Variants in RNF40 observed in about 807,000 individuals in gnomAD.
RNF40 encodes E3 ubiquitin-protein ligase BRE1B.
A neutral mutation model predicts 123.3 loss-of-function variants in RNF40; 39 were observed. The observed-to-expected ratio is 0.32, with a 90% confidence interval of 0.24 to 0.41. The LOEUF is 0.41. Among genes scored for constraint, RNF40 ranks in the 10% least tolerant of loss-of-function variants. The pLI, the probability that RNF40 is intolerant of heterozygous loss-of-function variation, is 1.00. For synonymous variants in RNF40, 538 were observed against 526.0 expected, an observed-to-expected ratio of 1.02 and a Z score of -0.31; for missense variants, 1,003 against 1,319.9, an observed-to-expected ratio of 0.76 and a Z score of 3.72.
Position 30,768,729 on chromosome 16 carries a change from A to C in RNF40, c.2090A>C (p.Lys697Thr), listed in dbSNP as rs373318017. Residue 697 changes from lysine (K) to threonine (T), a missense_variant, in exon 14 of 20, where the codon AAG becomes ACG. Around this residue, in one of 11 missense-constraint regions of RNF40, gnomAD observed 295 missense variants for 331.7 expected, o/e 0.89. Transcript: ENST00000324685. The surrounding 1 kb of genome is among the most constrained non-coding windows in gnomAD (Gnocchi z 4.1). ...VQLMAAERKA[K>T]AEVDELRSRI... ...CTCATGGCAGCGGAACGCAAGGCTA[A>C]GGCCGAGGTGAGGGCAGCTGGGGCT... The C allele has an allele frequency of 1.2e-6, 2 of 1,613,870 alleles. No individual in the cohort carries two copies. Among genetic ancestry groups the C allele is most frequent in the African/African-American group, 2.7e-5 (2 of 74,956 alleles).
In RNF40 at chr16:30,774,084, C is replaced by T. The variant is rs763458692; in HGVS notation, c.2976C>T (p.Ala992=). 11 of 1,613,824 alleles carry T rather than the reference C, an allele frequency of 6.8e-6. No individual in the cohort carries two copies. The highest frequency in any genetic ancestry group is 9.3e-6 in the Non-Finnish European group (11 of 1,179,746). Residue 992 remains alanine (A), a synonymous_variant, in exon 20 of 20, where the codon GCC becomes GCT. Coordinates refer to ENST00000324685, the MANE Select transcript of RNF40 (RefSeq NM_014771.4). Reference sequence around the variant, plus strand: ...CCAAGTGCAACGCGGCCTTTGGTGCCCACGACTTCCATCGTATCTACATCA... The same window carrying T: ...CCAAGTGCAACGCGGCCTTTGGTGCTCACGACTTCCATCGTATCTACATCA... ...KCPKCNAAFG[A]HDFHRIYIS
chr16:30,763,044 C>T, intron 2 of RNF40, 74 bp from the exon 3 acceptor site: 8 of 1,551,014 alleles, frequency 5.2e-6, no homozygotes, highest in Middle Eastern at 1.8e-4. Flanking sequence ...ATGCTCTGCT[C>T]CTCTTTCTCT....
intron 17 of RNF40, among the ~76,000 whole-genome samples, chr16:30,771,226 C>T (rs887810367): frequency 1.3e-5 from 2 of 152,028 alleles, no homozygotes; most frequent in South Asian, 4.1e-4. Context: ...AATAGGGGAG[C>T]CTTTTAGGAG....
Position 30,765,733 on chromosome 16 carries a change from A to G in RNF40, c.993+234A>G, listed in dbSNP as rs573361264. 5.7e-4 allele frequency among the ~76,000 whole-genome samples: 87 copies of G among 152,390 alleles called. 1 individual carries two copies. In the South Asian group the frequency reaches 0.017, roughly 30 times the overall value. ...GGTCAAAACTTTCATGGACCAGACA[A>G]GAAATAAATAAAAGAATATATCTTT... On this transcript the variant is annotated intron_variant, in intron 8 of 19. Transcript: ENST00000324685.
chr16:30,762,321 T>C (rs1357603836), upstream of RNF40: 5 of 488,430 alleles, frequency 1.0e-5, no homozygotes, highest in East Asian at 1.9e-4. Context: ...TGACGTCCGG[T>C]GAAATCCAAG....
upstream of RNF40, chr16:30,761,648 G>C (rs1439540203): frequency 6.5e-7 from 1 of 1,535,966 alleles, no homozygotes; most frequent in East Asian, 2.4e-5. Context: ...CCCATGCACT[G>C]AGCTGCGATC....
At chr16:30,770,208 G>A (rs1185193992) in intron 17 of RNF40, among the ~76,000 whole-genome samples, 5 of 144,704 alleles carry the variant, frequency 3.5e-5, no homozygotes, top group Non-Finnish European at 7.5e-5. Context: ...CCAGGTTCAA[G>A]CAACTCTCCC....
Position 30,764,255 on chromosome 16 carries a change from C to T in RNF40, c.519C>T (p.Ser173=), listed in dbSNP as rs2053986209. 2 of 1,612,808 alleles carry T rather than the reference C, an allele frequency of 1.2e-6. No homozygotes were observed. Among genetic ancestry groups the T allele is most frequent in the Non-Finnish European group, 1.7e-6 (2 of 1,179,448 alleles). ...LAFVVALGAS[S]SEEVELELQG... Reference sequence around the variant, plus strand: ...TTGTGGTGGCACTGGGTGCCAGCAGCAGTGAGGAGGTGGAGCTGGAGCTGC... The same window carrying T: ...TTGTGGTGGCACTGGGTGCCAGCAGTAGTGAGGAGGTGGAGCTGGAGCTGC... Residue 173 remains serine (S), a synonymous_variant, in exon 5 of 20, where the codon AGC becomes AGT. Coordinates refer to ENST00000324685, the MANE Select transcript of RNF40 (RefSeq NM_014771.4).
intron 17 of RNF40, among the ~76,000 whole-genome samples, chr16:30,771,054 G>T (rs963301830): frequency 1.3e-5 from 2 of 152,184 alleles, no homozygotes; most frequent in Non-Finnish European, 2.9e-5. Context: ...ACTAGGCCTT[G>T]CGCTGATTGC....
chr16:30,771,917 C>G lies in RNF40; in HGVS notation c.2671C>G (p.Leu891Val), dbSNP rs772066861. The G allele has an allele frequency of 6.2e-7, 1 of 1,609,378 alleles. No individual in the cohort carries two copies. The highest frequency in any genetic ancestry group is 1.1e-5 in the South Asian group (1 of 90,682). Reference sequence around the variant, plus strand: ...TCGGCTGCGGGAGATCCAGCCCTGCCTGGCAGAGAGCCGGGCTGCTCGTGA... The same window carrying G: ...TCGGCTGCGGGAGATCCAGCCCTGCGTGGCAGAGAGCCGGGCTGCTCGTGA... ...QTRLREIQPC[L>V]AESRAAREKE... Residue 891 changes from leucine to valine, a missense_variant, in exon 18 of 20, where the codon CTG becomes GTG. Transcript: ENST00000324685.
At position 30,768,941 on chromosome 16, in the gene RNF40, A is replaced by T. The variant is rs1474117313; in HGVS notation, c.2201A>T (p.Glu734Val). The T allele has an allele frequency of 6.2e-7, 1 of 1,614,138 alleles. No homozygotes were observed. Among genetic ancestry groups the T allele is most frequent in the Non-Finnish European group, 8.5e-7 (1 of 1,180,026 alleles). ...GCCCTGCGGCGCATTCGGCAGGCAG[A>T]GGAGCAGATAGAACACCTGCAGCGC... ...EDALRRIRQA[E>V]EQIEHLQRKL... is the part of the protein sequence containing the mutation. The change falls in exon 15 of 20, where the codon GAG (glutamate) becomes GTG (valine). Residue 734 changes from glutamate to valine, a missense_variant. By Grantham distance (121) the Glu-to-Val change is moderately radical. Around this residue, in one of 11 missense-constraint regions of RNF40, gnomAD observed 295 missense variants for 331.7 expected, o/e 0.89. Transcript: ENST00000324685. This position sits in a 1 kb window ranked among gnomAD's most constrained non-coding sequence, Gnocchi z 4.1.
chr16:30,763,294 C>T lies in RNF40; in HGVS notation c.300+9C>T, dbSNP rs774361551. On this transcript the variant is annotated intron_variant, in intron 3 of 19. Transcript: ENST00000324685. ...ATCGCTACTGGGCCCAGGTGGATAC[C>T]TTCTGCTTTCAAAGACCAGGCCTTG... The T allele has an allele frequency of 1.4e-5, 22 of 1,613,558 alleles. No homozygotes were observed. In the East Asian group the frequency reaches 4.2e-4, roughly 31 times the overall value.
At chr16:30,770,797 C>T (rs975883268) in intron 17 of RNF40, among the ~76,000 whole-genome samples, 2 of 152,124 alleles carry the variant, frequency 1.3e-5, no homozygotes, top group Admixed American at 6.5e-5. Flanking sequence ...CTGCAACCTC[C>T]GCCTCCCAGG....
In RNF40 at chr16:30,768,059, T is replaced by C; in HGVS notation, c.1551+44T>C. 1.2e-6 allele frequency: 2 copies of C among 1,614,088 alleles called. No individual in the cohort carries two copies. The highest frequency in any genetic ancestry group is 1.7e-6 in the Non-Finnish European group (2 of 1,179,986). ...GGGAAAAGGTTTGGCTAGACTCCAGTGAACACCATCTGACTTCATCCCTCT... is the reference window on the plus strand; with the variant it reads ...GGGAAAAGGTTTGGCTAGACTCCAGCGAACACCATCTGACTTCATCCCTCT... On this transcript the variant is annotated intron_variant, in intron 12 of 19. Transcript: ENST00000324685. This position sits in a 1 kb window ranked among gnomAD's most constrained non-coding sequence, Gnocchi z 4.1.
chr16:30,763,441 T>C lies in RNF40; in HGVS notation c.324T>C (p.Leu108=). The C allele has an allele frequency of 6.2e-7, 1 of 1,608,510 alleles. No individual in the cohort carries two copies. Among genetic ancestry groups the C allele is most frequent in the Non-Finnish European group, 8.5e-7 (1 of 1,177,668 alleles). The change falls in exon 4 of 20, where the codon CTT becomes CTC. Residue 108 remains leucine, a synonymous_variant. Coordinates refer to ENST00000324685, the MANE Select transcript of RNF40 (RefSeq NM_014771.4). ...AGCTGGATGAAACTGTGGAAGCCCT[T>C]CTCCGATGCCATGAGAGCCAGGGGG... ...WAQLDETVEA[L]LRCHESQGEL... is the part of the protein sequence containing the mutation.
upstream of RNF40, chr16:30,761,687 A>T: frequency 2.6e-6 from 4 of 1,535,750 alleles, no homozygotes; most frequent in Non-Finnish European, 2.6e-6. Flanking sequence ...CAGCTCGGAG[A>T]GATGTTCAAG....
rs11556799 is a variant in RNF40, at chr16:30,769,372, G to A, written c.2434G>A (p.Glu812Lys). 2.4e-5 allele frequency: 38 copies of A among 1,614,082 alleles called. No homozygotes were observed. The highest frequency in any genetic ancestry group is 3.0e-5 in the Non-Finnish European group (35 of 1,180,040). ...LLREEKDELG[E>K]QVLGLKSQVD... ...GCGGGAGGAGAAGGATGAGTTGGGC[G>A]AGCAGGTCCTTGGCCTCAAGTCCCA... Residue 812 changes from glutamate (E) to lysine (K), a missense_variant, in exon 16 of 20, where the codon GAG becomes AAG. Transcript: ENST00000324685.
At chr16:30,762,830 A>G in intron 2 of RNF40, 153 bp downstream of exon 2, 1 of 1,002,364 alleles carries the variant, frequency 1.0e-6, no homozygotes, top group Non-Finnish European at 1.5e-6. Context: ...AGCTCAGAAC[A>G]CGACGCCTGT....
rs2054108562 is a variant in RNF40, at chr16:30,769,514, A to G, written c.2500A>G (p.Lys834Glu). The change falls in exon 17 of 20, where the codon AAG becomes GAG. Residue 834 changes from lysine (K) to glutamate (E), a missense_variant. By Grantham distance (56) the Lys-to-Glu change is moderately conservative (BLOSUM62 1). Transcript: ENST00000324685. Reference protein sequence around the residue: ...QLLTVQKLEEKERALQGSLGG... With the variant: ...QLLTVQKLEEEERALQGSLGG... Reference sequence around the variant, plus strand: ...GCTGACTGTGCAGAAGCTAGAGGAGAAGGAGCGAGCCTTGCAGGGCAGCCT... The same window carrying G: ...GCTGACTGTGCAGAAGCTAGAGGAGGAGGAGCGAGCCTTGCAGGGCAGCCT... 1.2e-6 allele frequency: 2 copies of G among 1,613,148 alleles called. No individual in the cohort carries two copies. Among genetic ancestry groups the G allele is most frequent in the Non-Finnish European group, 8.5e-7 (1 of 1,179,434 alleles).
Sources: gnomAD v4.1 joint callset for allele counts (sites outside exome capture counted in the v4.1 genomes callset) on GRCh38, gnomAD v4.1.1 for gene constraint, gnomAD v4.1.1 regional missense constraint, Gnocchi (gnomAD v3.1) non-coding constraint, MANE v1.5 for transcripts, NCBI Gene and HGNC (gene_info 2026-07-23, HGNC 2026-07-21) for gene names.